The following TIMP2 variants were observed in gnomAD, a reference collection of about 807,000 sequenced individuals.
TIMP2 encodes the protein metalloproteinase inhibitor 2.
TIMP2 carries 5 observed loss-of-function variants against 24.3 expected under a neutral mutation model. The observed-to-expected ratio is 0.21, with a 90% CI of 0.11 to 0.43. TIMP2 has a LOEUF of 0.43. Among genes scored for constraint, TIMP2 ranks in the 20% least tolerant of loss-of-function variants. TIMP2 has a pLI of 1.00. For synonymous variants in TIMP2, 130 were observed against 123.2 expected (o/e 1.06, Z -0.37); for missense variants, 221 against 297.5 (o/e 0.74, Z 1.89).
intron 2 of TIMP2, among the ~76,000 whole-genome samples, chr17:78,871,612 C>T (rs2069685766): frequency 6.6e-6 from 1 of 151,756 alleles, no homozygotes; most frequent in Non-Finnish European, 1.5e-5. Context: ...TTTGGGAGGC[C>T]GAGGCAGGCA....
At chr17:78,923,336 G>A (rs934800909) in intron 1 of TIMP2, among the ~76,000 whole-genome samples, 3 of 146,534 alleles carry the variant, frequency 2.0e-5, no homozygotes, top group Non-Finnish European at 4.5e-5. Flanking sequence ...GCCAAGCAAG[G>A]ACAGAGTGGC....
chr17:78,907,092 G>A (rs2070166047), intron 1 of TIMP2, among the ~76,000 whole-genome samples: 1 of 151,652 alleles, frequency 6.6e-6, no homozygotes, highest in South Asian at 2.1e-4. Flanking sequence ...TGAATGCAAT[G>A]GTGTGATCTC....
chr17:78,917,910 G>A (rs1447630434), intron 1 of TIMP2, among the ~76,000 whole-genome samples: 1 of 152,144 alleles, frequency 6.6e-6, no homozygotes, highest in Non-Finnish European at 1.5e-5. Context: ...TCAGCTCCGA[G>A]ACTAGGCAGA....
rs1459867429 is a variant in TIMP2, at chr17:78,924,334, T to A, written c.130+625A>T. 6.6e-6 allele frequency among the ~76,000 whole-genome samples: 1 copy of A among 152,166 alleles called. No homozygotes were observed. The highest frequency in any genetic ancestry group is 1.9e-4 in the East Asian group (1 of 5,182). Reference sequence around the variant, plus strand: ...GGGTCCCGGTCCCTGCCCAGCCAGTTTGCAGGGCCTCCTGGGCAGGGCGCA... The same window carrying A: ...GGGTCCCGGTCCCTGCCCAGCCAGTATGCAGGGCCTCCTGGGCAGGGCGCA... On this transcript the variant is annotated intron_variant, in intron 1 of 4. Coordinates refer to ENST00000262768, the MANE Select transcript of TIMP2 (RefSeq NM_003255.5). This position sits in a 1 kb window ranked among gnomAD's most constrained non-coding sequence, Gnocchi z 5.3.
chr17:78,891,052 G>T lies in TIMP2; in HGVS notation c.131-17133C>A. 6.4e-7 allele frequency: 1 copy of T among 1,551,070 alleles called. No individual in the cohort carries two copies. The stretch of plus-strand genomic sequence containing the variant: ...CCTGGTCTTGAAGGTGGAGCTGAAG[G>T]GAGCCCTCTGCCAGCGTGCCCAGTT... On this transcript the variant is annotated intron_variant, in intron 1 of 4. Coordinates refer to ENST00000262768, the MANE Select transcript of TIMP2 (RefSeq NM_003255.5). This position sits in a 1 kb window ranked among gnomAD's most constrained non-coding sequence, Gnocchi z 4.5.
At chr17:78,889,997 TA>T (rs2069864459) in intron 1 of TIMP2, among the ~76,000 whole-genome samples, 1 of 152,026 alleles carries the variant, frequency 6.6e-6, no homozygotes, top group Admixed American at 6.6e-5. Context: ...CAGGCGCCTA[TA>T]ATCCCAGCTA....
rs1308262217 is a variant in TIMP2 at position 78,891,536 on chromosome 17, A to G, written c.131-17617T>C. 1 of 1,550,934 alleles carries G rather than the reference A, an allele frequency of 6.4e-7. No homozygotes were observed. The highest frequency in any genetic ancestry group is 1.4e-5 in the African/African-American group (1 of 73,028). ...GAGCGTGCACTGAGATGCTGGGGAC[A>G]CGGCTTCCCTTCTGCAGCTGGAATC... On this transcript the variant is annotated intron_variant, in intron 1 of 4. Coordinates refer to ENST00000262768, the MANE Select transcript of TIMP2 (RefSeq NM_003255.5). The surrounding 1 kb of genome is among the most constrained non-coding windows in gnomAD (Gnocchi z 4.5).
At chr17:78,856,974 T>C (rs2069528879) in intron 4 of TIMP2, 1 of 152,798 alleles carries the variant, frequency 6.5e-6, no homozygotes, top group Non-Finnish European at 1.5e-5. Flanking sequence ...TCAAATCTCC[T>C]AGCCTTCCAG....
intron 1 of TIMP2, among the ~76,000 whole-genome samples, chr17:78,877,941 C>T (rs969648177): frequency 2.6e-5 from 4 of 151,972 alleles, no homozygotes. Flanking sequence ...CTCCTGACCT[C>T]GTGATCCGCC....
chr17:78,890,693 T>G, intron 1 of TIMP2: 5 of 1,550,592 alleles, frequency 3.2e-6, no homozygotes, highest in Non-Finnish European at 4.4e-6. Context: ...AAGAAACTGC[T>G]TGTGCAACCT....
rs2069892203 is a variant in TIMP2, at chr17:78,891,434, T to G, written c.131-17515A>C. ...CAGTGCCAGGTACAAGCACAGGTGT[T>G]TTTTCAGCTTTCTGTTTATATTAAA... On this transcript the variant is annotated intron_variant, in intron 1 of 4. Coordinates refer to ENST00000262768, the MANE Select transcript of TIMP2 (RefSeq NM_003255.5). This position sits in a 1 kb window ranked among gnomAD's most constrained non-coding sequence, Gnocchi z 4.5. 4 of 1,550,796 alleles carry G rather than the reference T, an allele frequency of 2.6e-6. No homozygotes were observed.
intron 1 of TIMP2, among the ~76,000 whole-genome samples, chr17:78,911,435 G>C (rs1286121649): frequency 1.3e-5 from 2 of 151,708 alleles, no homozygotes; most frequent in African/African-American, 4.8e-5. Context: ...TTTGTTTTTT[G>C]TTTTTTGTTT....
chr17:78,893,354 TGTGTGCAGGG>T (rs2069942204), intron 1 of TIMP2, among the ~76,000 whole-genome samples: 1 of 143,476 alleles, frequency 7.0e-6, no homozygotes, highest in African/African-American at 2.7e-5. Flanking sequence ...TGCAGGGGTG[TGTGTGCAGGG>T]GTGTGTAGGA....
chr17:78,859,108 A>ATAT (rs1390798472), intron 3 of TIMP2, among the ~76,000 whole-genome samples: 1 of 152,156 alleles, frequency 6.6e-6, no homozygotes, highest in Non-Finnish European at 1.5e-5. Flanking sequence ...TAAACTTATA[A>ATAT]TTCTGCATTT....
chr17:78,870,791 T>C (rs2145753656), intron 3 of TIMP2, 107 bp downstream of exon 3: 1 of 874,806 alleles, frequency 1.1e-6, no homozygotes, highest in East Asian at 2.6e-5. Flanking sequence ...GTTCCTCAGC[T>C]ACTCCGCCTC....
chr17:78,892,271 T>C, intron 1 of TIMP2: 1 of 1,550,840 alleles, frequency 6.4e-7, no homozygotes, highest in Non-Finnish European at 8.7e-7. Context: ...TTTGTGCTTT[T>C]TCCTCCAAAG....
chr17:78,854,391 T>A lies in TIMP2; in HGVS notation c.*1276A>T, dbSNP rs1456082115. The A allele has an allele frequency of 6.6e-6, 1 of 151,686 alleles. No homozygotes were observed. The highest frequency in any genetic ancestry group is 1.5e-5 in the Non-Finnish European group (1 of 68,000). 9.4% of individuals were successfully genotyped at this position (151,686 alleles called of 1,614,324 possible). ...CCTAGGAAGTTTCTTAGCTAGGTAATCTTTGTCATTTAAGAAATACAAGCA... is the reference window on the plus strand; with the variant it reads ...CCTAGGAAGTTTCTTAGCTAGGTAAACTTTGTCATTTAAGAAATACAAGCA... On this transcript the variant is annotated 3_prime_UTR_variant, in exon 5 of 5. Coordinates refer to ENST00000262768, the MANE Select transcript of TIMP2 (RefSeq NM_003255.5).
intron 1 of TIMP2, among the ~76,000 whole-genome samples, chr17:78,887,999 C>G (rs868579848): frequency 6.6e-6 from 1 of 151,864 alleles, no homozygotes; most frequent in African/African-American, 2.4e-5. Flanking sequence ...GTAACCGTGC[C>G]GAGGCCAAAA....
chr17:78,915,581 G>A (rs1005625229), intron 1 of TIMP2, among the ~76,000 whole-genome samples: 1 of 151,514 alleles, frequency 6.6e-6, no homozygotes, highest in African/African-American at 2.4e-5. Context: ...GTGCAGTGGT[G>A]CGATGTCGGC....
Sources: gnomAD v4.1 joint callset for allele counts (sites outside exome capture counted in the v4.1 genomes callset) on GRCh38, gnomAD v4.1.1 for gene constraint, Gnocchi (gnomAD v3.1) non-coding constraint, MANE v1.5 for transcripts, NCBI Gene and HGNC (gene_info 2026-07-23, HGNC 2026-07-21) for gene names.